The following PDE1C variants were observed in gnomAD, a reference collection of about 807,000 sequenced individuals.
The protein encoded by PDE1C is phosphodiesterase 1C.
A neutral mutation model predicts 93.1 loss-of-function variants in PDE1C; 62 were observed. That is an observed-to-expected ratio of 0.67 (90% CI 0.54 to 0.82). The LOEUF is 0.82. PDE1C is among the 40% of genes least tolerant of loss of function. PDE1C has a pLI of 0.00. For synonymous variants in PDE1C, 325 were observed against 310.1 expected (o/e 1.05, Z -0.50); for missense variants, 742 against 884.6 (o/e 0.84, Z 2.04).
chr7:31,924,792 A>G (rs1156626679), intron 2 of PDE1C, among the ~76,000 whole-genome samples: 2 of 152,166 alleles, frequency 1.3e-5, no homozygotes, highest in Non-Finnish European at 2.9e-5. Context: ...CAGAGGGAAA[A>G]CTGATGGAAA....
At chr7:32,204,800 C>A (rs981911422) in intron 2 of PDE1C, among the ~76,000 whole-genome samples, 1 of 152,210 alleles carries the variant, frequency 6.6e-6, no homozygotes, top group East Asian at 1.9e-4. Context: ...CCACACCAGG[C>A]TGGCTGAAGC....
intron 3 of PDE1C, among the ~76,000 whole-genome samples, chr7:32,098,093 G>A (rs1797853938): frequency 6.7e-6 from 1 of 149,144 alleles, no homozygotes; most frequent in Non-Finnish European, 1.5e-5. Flanking sequence ...AGCCGGGCGT[G>A]GTGGCGGGCG....
At chr7:31,899,890 A>T (rs2128917969) in intron 2 of PDE1C, among the ~76,000 whole-genome samples, 1 of 152,258 alleles carries the variant, frequency 6.6e-6, no homozygotes, top group East Asian at 1.9e-4. Flanking sequence ...CAATGTCTGA[A>T]GACATTTCGG....
chr7:31,652,491 C>T, the PDE1C span: 2 of 1,558,610 alleles, frequency 1.3e-6, no homozygotes, highest in South Asian at 1.2e-5. Context: ...GTGCTGTTTA[C>T]TCTTTTTCCT....
At chr7:32,142,023 C>T (rs530201653) in intron 3 of PDE1C, among the ~76,000 whole-genome samples, 14 of 152,162 alleles carry the variant, frequency 9.2e-5, no homozygotes, top group African/African-American at 3.1e-4. Context: ...ACATGTCTGT[C>T]GCTGACTCTG....
intron 2 of PDE1C, among the ~76,000 whole-genome samples, chr7:32,026,030 C>T (rs925184715): frequency 1.4e-4 from 22 of 152,040 alleles, no homozygotes; most frequent in African/African-American, 5.1e-4. Context: ...GTTGAGGTAA[C>T]CAATATTTCC....
intron 17 of PDE1C, among the ~76,000 whole-genome samples, chr7:31,766,455 C>G (rs967296642): frequency 6.6e-6 from 1 of 151,830 alleles, no homozygotes; most frequent in Non-Finnish European, 1.5e-5. Context: ...ATAATAAATA[C>G]CCATACTCTC....
At chr7:31,869,526 A>G (rs1464466479) in intron 6 of PDE1C, among the ~76,000 whole-genome samples, 2 of 152,128 alleles carry the variant, frequency 1.3e-5, no homozygotes, top group Non-Finnish European at 2.9e-5. Flanking sequence ...AGAGACAAAG[A>G]AAGTCATGGT....
chr7:32,087,957 A>T (rs978418226), intron 3 of PDE1C, among the ~76,000 whole-genome samples: 6 of 152,050 alleles, frequency 3.9e-5, no homozygotes, highest in South Asian at 2.1e-4. Flanking sequence ...CATATGTAAC[A>T]AACCTGCACA....
chr7:31,983,434 C>T (rs185952182), intron 2 of PDE1C, among the ~76,000 whole-genome samples: 87 of 152,282 alleles, frequency 5.7e-4, no homozygotes, highest in African/African-American at 2.0e-3. Context: ...TAAAACACCA[C>T]AGAAAATCTG....
At chr7:32,237,742 G>GTATATAGATATATA (rs1554293054) in intron 1 of PDE1C, among the ~76,000 whole-genome samples, 2 of 31,244 alleles carry the variant, frequency 6.4e-5, no homozygotes, top group African/African-American at 2.5e-4. Context: ...TTGGCTCTGT[G>GTATATAGATATATA]TATATATATA....
At chr7:32,369,877 T>C (rs1784298604) in intron 1 of PDE1C, among the ~76,000 whole-genome samples, 1 of 152,220 alleles carries the variant, frequency 6.6e-6, no homozygotes, top group Non-Finnish European at 1.5e-5. Flanking sequence ...TTTTACACTG[T>C]TGGTAGGAGT....
chr7:32,382,882 T>C (rs1207006021), intron 1 of PDE1C, among the ~76,000 whole-genome samples: 1 of 152,138 alleles, frequency 6.6e-6, no homozygotes, highest in Non-Finnish European at 1.5e-5. Flanking sequence ...CAGGCAGACC[T>C]CTCCCACCCT....
At chr7:32,179,114 C>T (rs776280848) in intron 2 of PDE1C, among the ~76,000 whole-genome samples, 1 of 152,176 alleles carries the variant, frequency 6.6e-6, no homozygotes, top group Non-Finnish European at 1.5e-5. Flanking sequence ...TGATACATCA[C>T]ACTGTGTTTA....
intron 2 of PDE1C, among the ~76,000 whole-genome samples, chr7:31,927,316 C>T (rs1412681257): frequency 6.6e-6 from 1 of 152,214 alleles, no homozygotes; most frequent in Non-Finnish European, 1.5e-5. Context: ...ATAGATAAAA[C>T]TCCCATCTCC....
chr7:32,111,291 T>C (rs1798626764), intron 3 of PDE1C, among the ~76,000 whole-genome samples: 1 of 152,224 alleles, frequency 6.6e-6, no homozygotes, highest in Non-Finnish European at 1.5e-5. Context: ...GAAGTGATGA[T>C]AAGAATCTGT....
At position 32,205,258 on chromosome 7, in the gene PDE1C, G is replaced by A. The variant is rs73689074; in HGVS notation, c.136+4231C>T. On this transcript the variant is annotated intron_variant, in intron 2 of 18. Coordinates refer to the PDE1C transcript ENST00000396193. ...ATCTGTTCTGATGTTCAGTGACCAC[G>A]TCACATGTTTTCAAGTATTTTAACA... 5.1e-3 allele frequency among the ~76,000 whole-genome samples: 779 copies of A among 152,286 alleles called. 8 individuals are homozygous for A. Among genetic ancestry groups the A allele is most frequent in the African/African-American group, 0.018 (736 of 41,550 alleles).
At position 32,417,670 on chromosome 7, in the gene PDE1C, T is replaced by TAAAA. The variant is rs200338870; in HGVS notation, c.310+10148_310+10151dup. Among the ~76,000 whole-genome samples the TAAAA allele has an allele frequency of 8.0e-3, 904 of 112,366 alleles. 12 individuals are homozygous for TAAAA. The highest frequency in any genetic ancestry group is 0.062 in the Middle Eastern group (13 of 210). 73.7% of individuals were successfully genotyped at this position (112,366 alleles called of 152,430 possible). ...TTTTGGTACTATAATCCCAATTTAG[T>TAAAA]AAAAAAAAAAAAAAAAAATCATACT... On this transcript the variant is annotated intron_variant, in intron 1 of 1. Transcript: ENST00000672256.
intron 1 of PDE1C, among the ~76,000 whole-genome samples, chr7:32,332,548 G>A (rs1232759211): frequency 1.3e-5 from 2 of 151,558 alleles, no homozygotes; most frequent in Non-Finnish European, 2.9e-5. Context: ...TTATCCAACA[G>A]AAATATGTAC....
Sources: gnomAD v4.1 joint callset for allele counts (sites outside exome capture counted in the v4.1 genomes callset) on GRCh38, gnomAD v4.1.1 for gene constraint, MANE v1.5 for transcripts, NCBI Gene and HGNC (gene_info 2026-07-23, HGNC 2026-07-21) for gene names.